TM7SF2: variants seen among roughly 807,000 people sequenced by gnomAD.
The protein encoded by TM7SF2 is transmembrane 7 superfamily member 2, also known as delta(14)-sterol reductase TM7SF2.
TM7SF2 carries 51 observed loss-of-function variants against 51.0 expected under a neutral mutation model. The ratio of observed to expected loss-of-function variants is 1.00; its 90% confidence interval spans 0.80 to 1.26. The LOEUF is 1.26. Among genes scored for constraint, TM7SF2 ranks in the 50% most tolerant of loss-of-function variants. The pLI is 0.00. For missense variants in TM7SF2, 541 were observed against 547.4 expected, an observed-to-expected ratio of 0.99 and a Z score of 0.12; for synonymous variants, 255 against 241.0, an observed-to-expected ratio of 1.06 and a Z score of -0.54.
chr11:65,113,248 G>A lies in TM7SF2; in HGVS notation c.333G>A (p.Leu111=). The A allele has an allele frequency of 6.2e-7, 1 of 1,605,164 alleles. No homozygotes were observed. Among genetic ancestry groups the A allele is most frequent in the African/African-American group, 1.3e-5 (1 of 75,046 alleles). ...NGFQALVLTA[L]LVGLGMSAGL... is the part of the protein sequence containing the mutation. ...TCCAGGCCCTGGTGCTGACAGCCCT[G>A]TTGGTGGGGCTGGGGATGTCAGCGG... The change falls in exon 4 of 10, where the codon CTG becomes CTA. Residue 111 remains leucine, a synonymous_variant. Coordinates refer to ENST00000279263, the MANE Select transcript of TM7SF2 (RefSeq NM_003273.6).
intron 9 of TM7SF2, 81 bp from the exon 10 acceptor site, chr11:65,115,810 CAT>C (rs780636053): frequency 5.6e-6 from 9 of 1,606,542 alleles, no homozygotes; most frequent in East Asian, 2.2e-5. Context: ...CCGATGCCCA[CAT>C]GAGCCATGAG....
chr11:65,114,581 T>C, intron 5 of TM7SF2, 132 bp from the exon 6 acceptor site: 3 of 1,142,442 alleles, frequency 2.6e-6, no homozygotes, highest in Non-Finnish European at 3.7e-6. Flanking sequence ...ACAGTCTCTG[T>C]CCTTGGGTCT....
At chr11:65,112,755 G>A (rs1300031879) in intron 2 of TM7SF2, 44 bp downstream of exon 2, 2 of 1,549,452 alleles carry the variant, frequency 1.3e-6, no homozygotes, top group East Asian at 4.9e-5. Flanking sequence ...GAAGCGAATG[G>A]GCTCGGCGAG....
chr11:65,114,532 C>T, intron 5 of TM7SF2, 181 bp from the exon 6 acceptor site: 1 of 713,748 alleles, frequency 1.4e-6, no homozygotes, highest in Non-Finnish European at 2.3e-6. Context: ...TTAGGACAGA[C>T]AAGGCAAGAA....
rs749362525 is a variant in TM7SF2, at chr11:65,112,095, G to A, written c.52+28G>A. 3.2e-6 allele frequency: 5 copies of A among 1,585,188 alleles called. No homozygotes were observed. In the Admixed American group the frequency reaches 9.6e-5, roughly 30 times the overall value. ...AATGGGGCAGAGAGATGGGACCTGG[G>A]GCAAAGGCTAAGCGAAGGAGAGCTG... is the stretch of plus-strand genomic sequence containing the variant. On this transcript the variant is annotated intron_variant, in intron 1 of 9. Transcript: ENST00000279263.
At position 65,116,209 on chromosome 11, in the gene TM7SF2, AAAATG is replaced by A; in HGVS notation, c.*160_*164del. 2 of 1,237,648 alleles carry A rather than the reference AAAATG, an allele frequency of 1.6e-6. No individual in the cohort carries two copies. The highest frequency in any genetic ancestry group is 3.1e-5 in the South Asian group (2 of 65,336). The allele number at this position is 1,237,648 out of a possible 1,614,324, so 76.7% of individuals were successfully genotyped here. ...GAAGAGGTGGTTTAGAGCAAGGAAA[AAAATG>A]AAACCAGTGACCAAAATCGGAGATG... On this transcript the variant is annotated 3_prime_UTR_variant, in exon 10 of 10. Transcript: ENST00000279263.
intron 3 of TM7SF2, 135 bp downstream of exon 3, chr11:65,113,000 CG>C: frequency 3.4e-6 from 4 of 1,175,874 alleles, no homozygotes; most frequent in Non-Finnish European, 4.8e-6. Context: ...GGACAGACGC[CG>C]GGGGCTCTCC....
Position 65,112,524 on chromosome 11 carries a change from C to T in TM7SF2, c.62C>T (p.Ala21Val), listed in dbSNP as rs1324620567. The T allele has an allele frequency of 6.6e-7, 1 of 1,526,000 alleles. No individual in the cohort carries two copies. The highest frequency in any genetic ancestry group is 8.7e-7 in the Non-Finnish European group (1 of 1,145,890). The allele number at this position is 1,526,000 out of a possible 1,614,324, so 94.5% of individuals were successfully genotyped here. ...ATGGCCCTTCCCGCAGGCGCCGCGG[C>T]TCTGCTACTGCTGCTGCCCGCCACC... The part of the protein sequence containing the change: ...LEFGGPLGAA[A>V]LLLLLPATMF... Residue 21 changes from alanine to valine, a missense_variant, in exon 2 of 10, where the codon GCT (alanine) becomes GTT (valine). Physicochemically the swap from Ala to Val is moderately conservative, Grantham distance 64 (BLOSUM62 0). Transcript: ENST00000279263.
chr11:65,115,903 C>A lies in TM7SF2; in HGVS notation c.1107C>A (p.His369Gln). 1 of 1,614,072 alleles carries A rather than the reference C, an allele frequency of 6.2e-7. No homozygotes were observed. Among genetic ancestry groups the A allele is most frequent in the Non-Finnish European group, 8.5e-7 (1 of 1,180,004 alleles). The change falls in exon 10 of 10, where the codon CAC becomes CAA. Residue 369 changes from histidine (H) to glutamine (Q), a missense_variant. By Grantham distance (24) the His-to-Gln change is conservative. Coordinates refer to ENST00000279263, the MANE Select transcript of TM7SF2 (RefSeq NM_003273.6). ...LAWSLPCGVS[H>Q]LLPYFYLLYF... ...CCTCCTTCTCTACAGGGGTGTCACA[C>A]CTGCTGCCCTACTTCTACCTCCTCT...
rs772676739 is a variant in TM7SF2, at chr11:65,113,272, G to A, written c.357G>A (p.Ala119=). The A allele has an allele frequency of 3.1e-6, 5 of 1,609,118 alleles. No homozygotes were observed. In the South Asian group the frequency reaches 4.4e-5, roughly 14 times the overall value. Residue 119 remains alanine (A), a synonymous_variant, in exon 4 of 10, where the codon GCG becomes GCA. Coordinates refer to ENST00000279263, the MANE Select transcript of TM7SF2 (RefSeq NM_003273.6). ...TALLVGLGMS[A]GLPLGALPEM... ...TGTTGGTGGGGCTGGGGATGTCAGC[G>A]GGGCTGCCTCTGGGGGCGCTCCCGG... is the stretch of plus-strand genomic sequence containing the variant.
intron 5 of TM7SF2, 42 bp downstream of exon 5, chr11:65,113,636 G>A: frequency 1.3e-6 from 2 of 1,575,114 alleles, no homozygotes; most frequent in Non-Finnish European, 8.7e-7. Context: ...CCAGGGGGAG[G>A]GTTAGGGTGG....
At chr11:65,112,143 G>A (rs1947913458) in intron 1 of TM7SF2, 76 bp downstream of exon 1, 8 of 1,446,368 alleles carry the variant, frequency 5.5e-6, no homozygotes, top group Non-Finnish European at 7.5e-6. Flanking sequence ...TAAGAGCGGG[G>A]GCGAGATCTG....
In TM7SF2 at chr11:65,113,350, C is replaced by A. The variant is rs1459365131; in HGVS notation, c.435C>A (p.Ser145Arg). ...CCACCCTCACCGCTTTCATCTTCAG[C>A]CTCTTTCTCTACATGAAGGCGCAGG... ...FVATLTAFIFSLFLYMKAQVA... is the reference protein window; with the variant it reads ...FVATLTAFIFRLFLYMKAQVA... The change falls in exon 4 of 10, where the codon AGC (serine) becomes AGA (arginine). Residue 145 changes from serine to arginine, a missense_variant. Coordinates refer to ENST00000279263, the MANE Select transcript of TM7SF2 (RefSeq NM_003273.6). The A allele has an allele frequency of 9.3e-6, 15 of 1,613,936 alleles. No individual in the cohort carries two copies. The highest frequency in any genetic ancestry group is 1.3e-5 in the African/African-American group (1 of 74,926).
rs1175469177 is a variant in TM7SF2 at position 65,112,101 on chromosome 11, G to A, written c.52+34G>A. 2.5e-6 allele frequency: 4 copies of A among 1,579,516 alleles called. No individual in the cohort carries two copies. In the South Asian group the frequency reaches 4.6e-5, roughly 18 times the overall value. ...GCAGAGAGATGGGACCTGGGGCAAA[G>A]GCTAAGCGAAGGAGAGCTGGAGCGG... On this transcript the variant is annotated intron_variant, in intron 1 of 9. Transcript: ENST00000279263.
Position 65,115,533 on chromosome 11 carries a change from G to C in TM7SF2, c.1031G>C (p.Gly344Ala), listed in dbSNP as rs1433597004. The C allele has an allele frequency of 1.9e-6, 3 of 1,614,020 alleles. No homozygotes were observed. The highest frequency in any genetic ancestry group is 2.5e-6 in the Non-Finnish European group (3 of 1,180,030). ...GRKLLVSGWW[G>A]MVRHPNYLGD... ...AAACTGCTGGTGTCTGGGTGGTGGG[G>C]TATGGTCCGCCATCCCAACTATCTT... is the stretch of plus-strand genomic sequence containing the variant. The change falls in exon 9 of 10, where the codon GGT (glycine) becomes GCT (alanine). Residue 344 changes from glycine (G) to alanine (A), a missense_variant. Gly to Ala is a moderately conservative substitution (Grantham distance 60). Coordinates refer to ENST00000279263, the MANE Select transcript of TM7SF2 (RefSeq NM_003273.6).
At position 65,116,100 on chromosome 11, in the gene TM7SF2, A is replaced by C. The variant is rs1947981445; in HGVS notation, c.*47A>C. On this transcript the variant is annotated 3_prime_UTR_variant, in exon 10 of 10. Transcript: ENST00000279263. ...GGGGGCATGTGCCCACTCATCCACC[A>C]GCACACCCAGGACCAGGAGCCTCGA... 6.3e-7 allele frequency: 1 copy of C among 1,581,050 alleles called. No homozygotes were observed. Among genetic ancestry groups the C allele is most frequent in the Non-Finnish European group, 8.6e-7 (1 of 1,166,982 alleles).
chr11:65,112,612 C>T lies in TM7SF2; in HGVS notation c.150C>T (p.Ser50=), dbSNP rs1383676687. 1 of 1,519,392 alleles carries T rather than the reference C, an allele frequency of 6.6e-7. No individual in the cohort carries two copies. The highest frequency in any genetic ancestry group is 1.2e-5 in the South Asian group (1 of 81,778). 94.1% of individuals were successfully genotyped at this position (1,519,392 alleles called of 1,614,324 possible). Residue 50 remains serine (S), a synonymous_variant, in exon 2 of 10, where the codon TCC becomes TCT. Transcript: ENST00000279263. ...GPARLLGPPA[S]LPGLEVLWSP... is the part of the protein sequence containing the mutation. ...CGCGCCTGCTGGGTCCACCCGCGTC[C>T]CTGCCGGGGCTGGAGGTGCTGTGGA...
chr11:65,115,634 G>C (rs767565585), intron 9 of TM7SF2, 36 bp downstream of exon 9: 10 of 1,611,960 alleles, frequency 6.2e-6, no homozygotes, highest in African/African-American at 1.3e-5. Flanking sequence ...AGGGACATGT[G>C]AGGGGAAGAG....
Position 65,112,686 on chromosome 11 carries a change from C to T in TM7SF2, c.224C>T (p.Ala75Val), listed in dbSNP as rs1947923931. The T allele has an allele frequency of 1.2e-5, 18 of 1,538,314 alleles. No individual in the cohort carries two copies. Among genetic ancestry groups the T allele is most frequent in the Non-Finnish European group, 1.6e-5 (18 of 1,144,196 alleles). Residue 75 changes from alanine to valine, a missense_variant, in exon 2 of 10, where the codon GCG becomes GTG. Coordinates refer to ENST00000279263, the MANE Select transcript of TM7SF2 (RefSeq NM_003273.6). ...LWLAWLGLQA[A>V]LYLLPARKVA... ...CTCGCCTGGCTCGGCCTGCAGGCGGCGCTCTACCTACTGCCGGCGCGCAAG... is the reference window on the plus strand; with the variant it reads ...CTCGCCTGGCTCGGCCTGCAGGCGGTGCTCTACCTACTGCCGGCGCGCAAG...
Sources: gnomAD v4.1 joint callset for allele counts on GRCh38, gnomAD v4.1.1 for gene constraint, MANE v1.5 for transcripts, NCBI Gene and HGNC (gene_info 2026-07-23, HGNC 2026-07-21) for gene names.